Variants in MARCHF11 observed in about 807,000 individuals in gnomAD.
MARCHF11 encodes the protein E3 ubiquitin-protein ligase MARCHF11.
In MARCHF11, 29 loss-of-function variants were observed where a neutral mutation model predicts 37.3. The observed-to-expected ratio is 0.78, with a 90% CI of 0.58 to 1.06. The LOEUF is 1.06. Among genes scored for constraint, MARCHF11 ranks in the 50% least tolerant of loss-of-function variants. MARCHF11 has a pLI of 0.00. For synonymous variants in MARCHF11, 233 were observed against 228.0 expected (o/e 1.02, Z -0.20); for missense variants, 482 against 533.4 (o/e 0.90, Z 0.95).
chr5:16,087,700 G>A (rs1054181640), intron 3 of MARCHF11, among the ~76,000 whole-genome samples: 1 of 151,956 alleles, frequency 6.6e-6, no homozygotes, highest in Admixed American at 6.6e-5. Context: ...ACCCTTGAGC[G>A]AACTCAAAAC....
intron 2 of MARCHF11, among the ~76,000 whole-genome samples, chr5:16,176,905 A>T (rs754171335): frequency 6.6e-6 from 1 of 152,028 alleles, no homozygotes; most frequent in African/African-American, 2.4e-5. Context: ...TGTCTACTTA[A>T]CTTCAGCCTA....
At chr5:16,172,861 G>A (rs1344970907) in intron 2 of MARCHF11, among the ~76,000 whole-genome samples, 1 of 152,154 alleles carries the variant, frequency 6.6e-6, no homozygotes, top group African/African-American at 2.4e-5. Flanking sequence ...ACCTAAGAAG[G>A]ACAGCCAAAT....
intron 2 of MARCHF11, among the ~76,000 whole-genome samples, chr5:16,135,630 A>G (rs773624251): frequency 2.6e-5 from 4 of 152,180 alleles, no homozygotes; most frequent in Admixed American, 6.5e-5. Context: ...AAAATTTTCA[A>G]GTGTTGATAT....
intron 2 of MARCHF11, among the ~76,000 whole-genome samples, chr5:16,161,179 TC>T (rs1371097674): frequency 2.1e-5 from 2 of 95,450 alleles, no homozygotes; most frequent in African/African-American, 8.1e-5. Context: ...ATGCTATCCC[TC>T]CCCCCTCCCC....
chr5:16,067,473 A>G lies in MARCHF11; in HGVS notation c.1207T>C (p.Ter403ArgextTer33). 1 of 1,611,962 alleles carries G rather than the reference A, an allele frequency of 6.2e-7. No individual in the cohort carries two copies. Among genetic ancestry groups the G allele is most frequent in the Non-Finnish European group, 8.5e-7 (1 of 1,178,180 alleles). Residue 403 changes from the stop codon to arginine, a stop_lost, in exon 4 of 4, where the codon TGA becomes CGA. Transcript: ENST00000332432. ...GEVVMRVTSV[*>R] ...CACTGCATCATCTTATGCTTTTGTCACACTGAAGTCACTCTCATCACAACC... is the reference window on the plus strand; with the variant it reads ...CACTGCATCATCTTATGCTTTTGTCGCACTGAAGTCACTCTCATCACAACC...
chr5:16,099,559 T>C (rs1420379505), intron 2 of MARCHF11, among the ~76,000 whole-genome samples: 2 of 151,816 alleles, frequency 1.3e-5, no homozygotes, highest in Non-Finnish European at 2.9e-5. Context: ...AAAGTTAAAA[T>C]AGGAGCAAAA....
intron 3 of MARCHF11, among the ~76,000 whole-genome samples, chr5:16,086,071 G>A (rs989392620): frequency 2.0e-5 from 3 of 150,054 alleles, no homozygotes; most frequent in African/African-American, 4.9e-5. Context: ...GTCCCTAAAG[G>A]CAAAAATTGG....
In MARCHF11 at chr5:16,177,725, C is replaced by T. The variant is rs866325662; in HGVS notation, c.693+1G>A. 1 of 1,597,318 alleles carries T rather than the reference C, an allele frequency of 6.3e-7. No individual in the cohort carries two copies. On this transcript the variant is annotated splice_donor_variant, in intron 2 of 3. Transcript: ENST00000332432. LOFTEE classifies it high-confidence loss of function. ...GAAAAATAAATGTTGAAACTGCTTACCTGGCAAGGTTGTTTCATTTTAATG... is the reference window on the plus strand; with the variant it reads ...GAAAAATAAATGTTGAAACTGCTTATCTGGCAAGGTTGTTTCATTTTAATG...
chr5:16,112,302 G>A (rs1372509091), intron 2 of MARCHF11, among the ~76,000 whole-genome samples: 1 of 152,172 alleles, frequency 6.6e-6, no homozygotes, highest in Non-Finnish European at 1.5e-5. Flanking sequence ...CAAGAGTGGG[G>A]CTATACCCTG....
chr5:16,112,275 C>T (rs1737154797), intron 2 of MARCHF11, among the ~76,000 whole-genome samples: 1 of 152,174 alleles, frequency 6.6e-6, no homozygotes, highest in Non-Finnish European at 1.5e-5. Context: ...CACTCAACAC[C>T]AGCCCATGAC....
chr5:16,077,719 T>C (rs1184363649), intron 3 of MARCHF11, among the ~76,000 whole-genome samples: 1 of 152,232 alleles, frequency 6.6e-6, no homozygotes, highest in Non-Finnish European at 1.5e-5. Flanking sequence ...TATTCTATTC[T>C]ATGTCCTAGT....
chr5:16,095,487 AGGGAGGGAGGG>A (rs1560973121), intron 2 of MARCHF11, among the ~76,000 whole-genome samples: 2 of 38,426 alleles, frequency 5.2e-5, no homozygotes, highest in East Asian at 5.6e-4. Context: ...GAAGGAAGGG[AGGGAGGGAGGG>A]AGGGAGGGAG....
intron 2 of MARCHF11, among the ~76,000 whole-genome samples, chr5:16,120,053 A>T (rs1579393065): frequency 6.6e-6 from 1 of 152,234 alleles, no homozygotes; most frequent in African/African-American, 2.4e-5. Flanking sequence ...CAGGCCAGGA[A>T]CAGCCCGGAG....
intron 3 of MARCHF11, among the ~76,000 whole-genome samples, chr5:16,088,278 A>C (rs1197506441): frequency 6.6e-6 from 1 of 152,130 alleles, no homozygotes; most frequent in African/African-American, 2.4e-5. Flanking sequence ...ATCCCACTGT[A>C]TTCTAATCAC....
intron 3 of MARCHF11, among the ~76,000 whole-genome samples, chr5:16,073,643 A>G (rs1364974391): frequency 6.6e-6 from 1 of 150,846 alleles, no homozygotes; most frequent in Non-Finnish European, 1.5e-5. Flanking sequence ...ATATTTGCAA[A>G]ATATGCAAAA....
chr5:16,160,942 T>G (rs1355544133), intron 2 of MARCHF11, among the ~76,000 whole-genome samples: 1 of 151,924 alleles, frequency 6.6e-6, no homozygotes, highest in Non-Finnish European at 1.5e-5. Flanking sequence ...ACAGTAAAGC[T>G]CTTCTGACGT....
intron 3 of MARCHF11, among the ~76,000 whole-genome samples, chr5:16,073,920 A>G (rs917856294): frequency 6.6e-6 from 1 of 152,210 alleles, no homozygotes; most frequent in African/African-American, 2.4e-5. Flanking sequence ...TTTCCAGAAC[A>G]TTCTACCCAA....
rs375619178 is a variant in MARCHF11 at position 16,179,030 on chromosome 5, G to A, written c.537+9C>T. 4.1e-6 allele frequency: 6 copies of A among 1,454,134 alleles called. No homozygotes were observed. The African/African-American group carries it at 4.4e-5, about 11-fold the overall frequency. The allele number at this position is 1,454,134 out of a possible 1,614,324, so 90.1% of individuals were successfully genotyped here. On this transcript the variant is annotated intron_variant, in intron 1 of 3. Coordinates refer to ENST00000332432, the MANE Select transcript of MARCHF11 (RefSeq NM_001102562.3). ...CCACCGGCTGCCTCGGGGTCTCGCCGGGCCTTACCTGCTCCGCGCCCTGGA... is the reference window on the plus strand; with the variant it reads ...CCACCGGCTGCCTCGGGGTCTCGCCAGGCCTTACCTGCTCCGCGCCCTGGA...
At chr5:16,162,382 A>C (rs1408282351) in intron 2 of MARCHF11, among the ~76,000 whole-genome samples, 2 of 152,058 alleles carry the variant, frequency 1.3e-5, no homozygotes, top group Non-Finnish European at 2.9e-5. Flanking sequence ...ATGGAAAACT[A>C]AAACCCAAAG....
Sources: allele counts gnomAD v4.1 joint callset (sites outside exome capture counted in the v4.1 genomes callset), GRCh38; gene constraint gnomAD v4.1.1; transcripts MANE v1.5; gene names NCBI Gene and HGNC (gene_info 2026-07-23, HGNC 2026-07-21).